DCDC1: variants seen among roughly 807,000 people sequenced by gnomAD.
The protein encoded by DCDC1 is doublecortin domain-containing protein 1.
In DCDC1, 200 loss-of-function variants were observed where a neutral mutation model predicts 178.3. That is an observed-to-expected ratio of 1.12 (90% confidence interval 1.00 to 1.26). DCDC1 has a LOEUF of 1.26. Among genes scored for constraint, DCDC1 ranks in the 50% most tolerant of loss-of-function variants. The pLI is 0.00. For missense variants in DCDC1, 1,983 were observed against 1,749.2 expected, an observed-to-expected ratio of 1.13 and a Z score of -2.38; for synonymous variants, 690 against 604.8, an observed-to-expected ratio of 1.14 and a Z score of -2.07.
chr11:30,895,733 A>G (rs1944153482), intron 34 of DCDC1, among the ~76,000 whole-genome samples: 2 of 152,198 alleles, frequency 1.3e-5, no homozygotes, highest in South Asian at 4.1e-4. Context: ...AGTTACAGTG[A>G]CAATGCCATT....
At chr11:31,298,306 C>T (rs1027474436) in intron 6 of DCDC1, among the ~76,000 whole-genome samples, 1 of 152,174 alleles carries the variant, frequency 6.6e-6, no homozygotes, top group East Asian at 1.9e-4. Flanking sequence ...CTTATCCCCT[C>T]TAAATATGCT....
chr11:31,041,041 T>C (rs1051993653), intron 20 of DCDC1, among the ~76,000 whole-genome samples: 1 of 152,218 alleles, frequency 6.6e-6, no homozygotes, highest in Non-Finnish European at 1.5e-5. Context: ...AGCAATTATA[T>C]ATTAAGGGTA....
intron 18 of DCDC1, among the ~76,000 whole-genome samples, chr11:31,074,822 T>C (rs563574470): frequency 2.6e-5 from 4 of 152,244 alleles, no homozygotes; most frequent in African/African-American, 7.2e-5. Flanking sequence ...AAAGCCTATA[T>C]TACCATGAAT....
At chr11:31,209,846 G>T (rs142229713) in intron 9 of DCDC1, among the ~76,000 whole-genome samples, 2 of 152,158 alleles carry the variant, frequency 1.3e-5, no homozygotes, top group African/African-American at 4.8e-5. Context: ...AAGCATGAAC[G>T]GGAGAGAGGC....
At chr11:30,873,341 A>G (rs1243890930) in intron 38 of DCDC1, among the ~76,000 whole-genome samples, 2 of 136,506 alleles carry the variant, frequency 1.5e-5, no homozygotes, top group African/African-American at 6.0e-5. Context: ...GTGTGTGTAT[A>G]TACATATATA....
chr11:31,265,474 T>G (rs779797183), intron 8 of DCDC1, 33 bp downstream of exon 8: 1 of 1,203,770 alleles, frequency 8.3e-7, no homozygotes, highest in Non-Finnish European at 1.1e-6. Context: ...TTCAAAATAT[T>G]ATCAAATGGT....
chr11:31,252,482 T>C (rs1420413832), intron 8 of DCDC1, among the ~76,000 whole-genome samples: 1 of 152,124 alleles, frequency 6.6e-6, no homozygotes, highest in Non-Finnish European at 1.5e-5. Context: ...AATTATATGA[T>C]GTGTCTAATA....
chr11:31,126,384 G>A (rs1961621648), intron 11 of DCDC1, among the ~76,000 whole-genome samples: 1 of 152,106 alleles, frequency 6.6e-6, no homozygotes. Flanking sequence ...ACCCTTAGCT[G>A]ACTAGCAGAC....
chr11:31,275,828 G>A (rs981551115), intron 7 of DCDC1, among the ~76,000 whole-genome samples: 1 of 152,142 alleles, frequency 6.6e-6, no homozygotes, highest in East Asian at 1.9e-4. Context: ...GTAGTCTCAC[G>A]CCCCTTGTCA....
At chr11:30,942,466 TA>T (rs1307358705) in intron 21 of DCDC1, among the ~76,000 whole-genome samples, 2 of 152,160 alleles carry the variant, frequency 1.3e-5, no homozygotes, top group Admixed American at 6.5e-5. Context: ...AGTCTTGGTG[TA>T]AAATAGCTAA....
chr11:31,160,177 TTTTAAACA>T (rs1319269670), intron 9 of DCDC1, among the ~76,000 whole-genome samples: 1 of 152,184 alleles, frequency 6.6e-6, no homozygotes, highest in Non-Finnish European at 1.5e-5. Flanking sequence ...AATCACATAT[TTTTAAACA>T]TATGTACTTA....
intron 20 of DCDC1, among the ~76,000 whole-genome samples, chr11:31,009,151 G>C (rs1242660827): frequency 2.0e-5 from 3 of 151,980 alleles, no homozygotes; most frequent in African/African-American, 7.2e-5. Flanking sequence ...CAAAGAAAAA[G>C]GCTTTATGGA....
chr11:31,118,061 G>GT (rs890167883), intron 11 of DCDC1, among the ~76,000 whole-genome samples: 10 of 151,984 alleles, frequency 6.6e-5, no homozygotes, highest in African/African-American at 1.9e-4. Context: ...GAAAGTCAGT[G>GT]TTTTTTTGAT....
In DCDC1 at chr11:30,888,082, G is replaced by GAAAGAAAGAAAGAAAGAAAAAGAAAGAA. The variant is rs35914489; in HGVS notation, c.5082+4735_5082+4736insTTCTTTCTTTTTCTTTCTTTCTTTCTTT. 3.5e-3 allele frequency among the ~76,000 whole-genome samples: 340 copies of GAAAGAAAGAAAGAAAGAAAAAGAAAGAA among 96,124 alleles called. 13 individuals are homozygous for GAAAGAAAGAAAGAAAGAAAAAGAAAGAA. Among genetic ancestry groups the GAAAGAAAGAAAGAAAGAAAAAGAAAGAA allele is most frequent in the East Asian group, 0.011 (38 of 3,578 alleles). The allele number at this position is 96,124 out of a possible 152,430, so 63.1% of individuals were successfully genotyped here. ...AGAAAGAGAGAGAGAGAGAGAGAGA[G>GAAAGAAAGAAAGAAAGAAAAAGAAAGAA]AGAAAGAAAGAAAGAAAAAGAAAGA... On this transcript the variant is annotated intron_variant, in intron 36 of 38. Coordinates refer to ENST00000684477, the MANE Select transcript of DCDC1 (RefSeq NM_001387274.1).
chr11:30,972,838 G>A (rs1949882332), intron 20 of DCDC1, among the ~76,000 whole-genome samples: 1 of 152,116 alleles, frequency 6.6e-6, no homozygotes, highest in South Asian at 2.1e-4. Flanking sequence ...CAAATCTCAT[G>A]TTCAATTATA....
intron 1 of DCDC1, among the ~76,000 whole-genome samples, chr11:31,362,010 C>T (rs568280208): frequency 1.3e-4 from 20 of 152,292 alleles, no homozygotes; most frequent in African/African-American, 4.8e-4. Flanking sequence ...CTACATTTGG[C>T]TACACTTTCC....
At chr11:31,240,577 T>A (rs1225875235) in intron 9 of DCDC1, among the ~76,000 whole-genome samples, 1 of 151,932 alleles carries the variant, frequency 6.6e-6, no homozygotes, top group Non-Finnish European at 1.5e-5. Context: ...GAGAATAATA[T>A]AGCATGATGC....
chr11:31,056,532 C>G (rs959017060), intron 20 of DCDC1, among the ~76,000 whole-genome samples: 2 of 152,032 alleles, frequency 1.3e-5, no homozygotes, highest in Non-Finnish European at 2.9e-5. Context: ...GCTGGGACCA[C>G]TATATTTAAT....
intron 3 of DCDC1, among the ~76,000 whole-genome samples, chr11:31,322,380 G>A (rs776830228): frequency 1.1e-4 from 17 of 152,086 alleles, no homozygotes; most frequent in African/African-American, 1.7e-4. Context: ...ATAAAGTCTC[G>A]GTTATTTTTA....
Sources: gnomAD v4.1 joint callset for allele counts (sites outside exome capture counted in the v4.1 genomes callset) on GRCh38, gnomAD v4.1.1 for gene constraint, MANE v1.5 for transcripts, NCBI Gene and HGNC (gene_info 2026-07-23, HGNC 2026-07-21) for gene names.